Variants in GARRE1 observed in about 807,000 individuals in gnomAD.
GARRE1 encodes granule associated Rac and RHOG effector 1.
A neutral mutation model predicts 103.2 loss-of-function variants in GARRE1; 49 were observed. The ratio of observed to expected loss-of-function variants is 0.47; its 90% CI spans 0.38 to 0.60. The LOEUF is 0.60. Among genes scored for constraint, GARRE1 ranks in the 20% least tolerant of loss-of-function variants. GARRE1 has a pLI of 0.00. For missense variants in GARRE1, 1,199 were observed against 1,370.5 expected (o/e 0.87, Z 1.98); for synonymous variants, 505 against 532.8 (o/e 0.95, Z 0.72).
intron 2 of GARRE1, among the ~76,000 whole-genome samples, chr19:34,316,017 T>C (rs2074058758): frequency 6.6e-6 from 1 of 152,198 alleles, no homozygotes; most frequent in Admixed American, 6.5e-5. Context: ...TCCACTATTG[T>C]GGCTTCATTC....
intron 1 of GARRE1, among the ~76,000 whole-genome samples, chr19:34,272,599 CAG>C (rs1346189611): frequency 3.3e-5 from 5 of 152,174 alleles, no homozygotes; most frequent in African/African-American, 1.2e-4. Context: ...GAATCATCAG[CAG>C]TGATACGGAG....
intron 1 of GARRE1, among the ~76,000 whole-genome samples, chr19:34,261,134 A>ATAGC (rs1445184360): frequency 1.3e-5 from 2 of 152,198 alleles, no homozygotes; most frequent in East Asian, 1.9e-4. Context: ...TGAGTAGAAG[A>ATAGC]TAGCTGCACG....
intron 6 of GARRE1, among the ~76,000 whole-genome samples, chr19:34,328,828 G>A (rs930064199): frequency 1.3e-5 from 2 of 152,010 alleles, no homozygotes; most frequent in Non-Finnish European, 2.9e-5. Flanking sequence ...GGATGGTGTC[G>A]AACTCCTGAC....
At chr19:34,276,439 G>A (rs2073817476) in intron 1 of GARRE1, among the ~76,000 whole-genome samples, 1 of 152,176 alleles carries the variant, frequency 6.6e-6, no homozygotes, top group African/African-American at 2.4e-5. Context: ...GTAGAAATGA[G>A]GGAAAAAGAG....
chr19:34,331,624 T>G (rs1453913460), intron 7 of GARRE1, among the ~76,000 whole-genome samples: 1 of 152,198 alleles, frequency 6.6e-6, no homozygotes, highest in Non-Finnish European at 1.5e-5. Context: ...AATCACCATT[T>G]AGCTTTTTGT....
At chr19:34,318,036 G>A (rs1341430716) in intron 2 of GARRE1, among the ~76,000 whole-genome samples, 1 of 152,200 alleles carries the variant, frequency 6.6e-6, no homozygotes, top group African/African-American at 2.4e-5. Flanking sequence ...CTGTGATGTC[G>A]GTTGTTGTTC....
Position 34,297,055 on chromosome 19 carries a change from G to A in GARRE1, c.-795-2624G>A, listed in dbSNP as rs576803101. 6.6e-5 allele frequency among the ~76,000 whole-genome samples: 10 copies of A among 152,334 alleles called. No homozygotes were observed. The South Asian group carries it at 2.1e-3, about 32-fold the overall frequency. ...TAATTCCAGCACTTTGGGAGGCCGA[G>A]GTGGGTGGATCACTTGAGGCCAGGA... On this transcript the variant is annotated intron_variant, in intron 1 of 13. Coordinates refer to ENST00000299505, the MANE Select transcript of GARRE1 (RefSeq NM_014686.5).
chr19:34,284,870 T>A (rs2073876858), intron 1 of GARRE1, among the ~76,000 whole-genome samples: 1 of 152,096 alleles, frequency 6.6e-6, no homozygotes, highest in Non-Finnish European at 1.5e-5. Flanking sequence ...TAGACAGCAT[T>A]AAGAAGAATT....
At chr19:34,344,586 G>A (rs1290225714) in intron 10 of GARRE1, among the ~76,000 whole-genome samples, 1 of 137,496 alleles carries the variant, frequency 7.3e-6, no homozygotes, top group Admixed American at 7.2e-5. Context: ...GCGAGACTCC[G>A]TCTCAAAAAA....
At chr19:34,264,933 T>A (rs1475849493) in intron 1 of GARRE1, among the ~76,000 whole-genome samples, 1 of 152,194 alleles carries the variant, frequency 6.6e-6, no homozygotes, top group African/African-American at 2.4e-5. Context: ...ACCGTGAGTC[T>A]GTTCTAGGAT....
intron 11 of GARRE1, chr19:34,348,586 ATT>A: frequency 6.6e-6 from 1 of 150,446 alleles, no homozygotes. Flanking sequence ...TTATTTTTAA[ATT>A]TTTTTTTTTA....
In GARRE1 at chr19:34,342,140, C is replaced by T. The variant is rs1278117445; in HGVS notation, c.2206C>T (p.His736Tyr). 1.2e-6 allele frequency: 2 copies of T among 1,614,192 alleles called. No individual in the cohort carries two copies. Among genetic ancestry groups the T allele is most frequent in the Non-Finnish European group, 1.7e-6 (2 of 1,180,018 alleles). The change falls in exon 10 of 14, where the codon CAC becomes TAC. Residue 736 changes from histidine (H) to tyrosine (Y), a missense_variant. By Grantham distance (83) the His-to-Tyr change is moderately conservative. Coordinates refer to ENST00000299505, the MANE Select transcript of GARRE1 (RefSeq NM_014686.5). ...QQQPQVQYYQ[H>Y]LLQPIGPQQP... is the part of the protein sequence containing the mutation. ...ACAACCTCAAGTCCAATACTACCAA[C>T]ACCTACTCCAGCCCATTGGACCGCA... is the stretch of plus-strand genomic sequence containing the variant.
chr19:34,336,966 G>A (rs2074163682), intron 8 of GARRE1, among the ~76,000 whole-genome samples: 1 of 150,480 alleles, frequency 6.6e-6, no homozygotes, highest in South Asian at 2.1e-4. Context: ...TTGCACCCCC[G>A]CAAAAAACAC....
At chr19:34,298,869 A>G (rs952001286) in intron 1 of GARRE1, among the ~76,000 whole-genome samples, 3 of 152,194 alleles carry the variant, frequency 2.0e-5, no homozygotes, top group Non-Finnish European at 4.4e-5. Flanking sequence ...GGTATCAGAA[A>G]CTACAACCAG....
chr19:34,316,532 C>A (rs1392577684), intron 2 of GARRE1, among the ~76,000 whole-genome samples: 1 of 152,140 alleles, frequency 6.6e-6, no homozygotes, highest in Non-Finnish European at 1.5e-5. Context: ...GACCTGAGAT[C>A]CTCGGAGGGG....
chr19:34,339,971 T>C lies in GARRE1; in HGVS notation c.1466T>C (p.Leu489Pro). ...VDVLYTAVLD[L>P]NRWRAGREQA... ...GTGCTCTACACAGCTGTGCTGGACCTAAACCGCTGGAGGGCTGGAAGGTTG... is the reference window on the plus strand; with the variant it reads ...GTGCTCTACACAGCTGTGCTGGACCCAAACCGCTGGAGGGCTGGAAGGTTG... Residue 489 changes from leucine to proline, a missense_variant, in exon 9 of 14, where the codon CTA becomes CCA. Transcript: ENST00000299505. 1 of 1,614,166 alleles carries C rather than the reference T, an allele frequency of 6.2e-7. No individual in the cohort carries two copies.
intron 2 of GARRE1, among the ~76,000 whole-genome samples, chr19:34,303,961 T>G (rs904614624): frequency 2.0e-5 from 3 of 152,208 alleles, no homozygotes; most frequent in Non-Finnish European, 4.4e-5. Flanking sequence ...AATGTAAAAG[T>G]CAGCTTTACT....
At chr19:34,320,151 T>G in intron 3 of GARRE1, 35 bp downstream of exon 3, 2 of 1,581,908 alleles carry the variant, frequency 1.3e-6, no homozygotes, top group Middle Eastern at 2.1e-4. Context: ...GTGCCTGTGT[T>G]CAAATAGGAG....
intron 2 of GARRE1, among the ~76,000 whole-genome samples, chr19:34,312,677 A>C (rs2074042545): frequency 6.6e-6 from 1 of 152,198 alleles, no homozygotes; most frequent in Non-Finnish European, 1.5e-5. Context: ...CTGTAATCCC[A>C]GCACTTTGGG....
Sources: allele counts gnomAD v4.1 joint callset (sites outside exome capture counted in the v4.1 genomes callset), GRCh38; gene constraint gnomAD v4.1.1; transcripts MANE v1.5; gene names NCBI Gene and HGNC (gene_info 2026-07-23, HGNC 2026-07-21).